The following CSNK1G3 variants were observed in gnomAD, a reference collection of about 807,000 sequenced individuals.
The protein encoded by CSNK1G3 is casein kinase I isoform gamma-3.
Under a neutral mutation model 64.3 loss-of-function variants are expected in CSNK1G3, and 23 were observed. The ratio of observed to expected loss-of-function variants is 0.36; its 90% confidence interval spans 0.26 to 0.51. The LOEUF (loss-of-function observed/expected upper bound fraction) is 0.51. CSNK1G3 is among the 20% of genes least tolerant of loss of function. CSNK1G3 has a pLI of 0.96. For synonymous variants in CSNK1G3, 158 were observed against 162.2 expected (o/e 0.97, Z 0.20); for missense variants, 357 against 510.5 (o/e 0.70, Z 2.90).
At chr5:123,545,965 A>C in intron 2 of CSNK1G3, 124 bp downstream of exon 2, 1 of 865,300 alleles carries the variant, frequency 1.2e-6, no homozygotes, top group Non-Finnish European at 1.8e-6. Flanking sequence ...ATTTTAAAGA[A>C]TAAAGATGTT....
intron 1 of CSNK1G3, among the ~76,000 whole-genome samples, chr5:123,532,436 G>C (rs1780087625): frequency 6.6e-6 from 1 of 151,736 alleles, no homozygotes; most frequent in South Asian, 2.1e-4. Flanking sequence ...AGGATAGATT[G>C]CTTCTAAGAA....
intron 2 of CSNK1G3, among the ~76,000 whole-genome samples, chr5:123,547,299 A>T (rs1276021545): frequency 6.6e-6 from 1 of 152,174 alleles, no homozygotes; most frequent in Non-Finnish European, 1.5e-5. Context: ...AAAGACCAAC[A>T]CTATACTTGC....
At chr5:123,577,871 A>G (rs150880203) in intron 6 of CSNK1G3, among the ~76,000 whole-genome samples, 1 of 151,936 alleles carries the variant, frequency 6.6e-6, no homozygotes, top group Non-Finnish European at 1.5e-5. Context: ...CATTTTACCC[A>G]TCTTAGTCAT....
chr5:123,594,757 A>T (rs1043599085), intron 10 of CSNK1G3, among the ~76,000 whole-genome samples: 5 of 152,060 alleles, frequency 3.3e-5, no homozygotes, highest in Non-Finnish European at 7.4e-5. Flanking sequence ...TTATTAGTTC[A>T]TTTATAAAGC....
At chr5:123,586,204 C>T (rs1462839065) in intron 6 of CSNK1G3, among the ~76,000 whole-genome samples, 1 of 152,102 alleles carries the variant, frequency 6.6e-6, no homozygotes, top group African/African-American at 2.4e-5. Flanking sequence ...TCATGTGCAC[C>T]TGTCTAATCT....
chr5:123,604,248 G>A (rs1794970917), intron 10 of CSNK1G3, among the ~76,000 whole-genome samples: 1 of 152,092 alleles, frequency 6.6e-6, no homozygotes, highest in Non-Finnish European at 1.5e-5. Flanking sequence ...AATGAATGGT[G>A]TTGTCTCTAT....
chr5:123,567,707 T>C (rs755839020), intron 4 of CSNK1G3, among the ~76,000 whole-genome samples: 1 of 152,222 alleles, frequency 6.6e-6, no homozygotes, highest in African/African-American at 2.4e-5. Context: ...TTCACAGTTA[T>C]CGCCAAAGAT....
chr5:123,514,846 G>A (rs1342854272), intron 1 of CSNK1G3, among the ~76,000 whole-genome samples: 1 of 152,038 alleles, frequency 6.6e-6, no homozygotes, highest in African/African-American at 2.4e-5. Flanking sequence ...TATGAAAGTA[G>A]GTGGAGATCA....
chr5:123,610,618 C>T (rs1796155441), intron 12 of CSNK1G3, among the ~76,000 whole-genome samples: 1 of 152,108 alleles, frequency 6.6e-6, no homozygotes, highest in African/African-American at 2.4e-5. Context: ...TTTTGATTGC[C>T]TGTTTGTTGC....
chr5:123,531,404 G>A (rs1779921305), intron 1 of CSNK1G3, among the ~76,000 whole-genome samples: 1 of 151,974 alleles, frequency 6.6e-6, no homozygotes, highest in Non-Finnish European at 1.5e-5. Flanking sequence ...ATGCATATTA[G>A]AGAATCTGAT....
intron 10 of CSNK1G3, among the ~76,000 whole-genome samples, chr5:123,603,413 A>C (rs1421744070): frequency 6.6e-6 from 1 of 152,058 alleles, no homozygotes; most frequent in African/African-American, 2.4e-5. Flanking sequence ...ACATGCATTC[A>C]TTTATTTCAA....
exon 13 of CSNK1G3, chr5:123,614,513 A>G: frequency 1.3e-6 from 1 of 795,322 alleles, no homozygotes. Flanking sequence ...AGAAACAAAA[A>G]TGTCATACTT....
intron 5 of CSNK1G3, 22 bp downstream of exon 5, chr5:123,573,563 A>C (rs776932840): frequency 6.4e-7 from 1 of 1,564,496 alleles, no homozygotes. Context: ...AAGGTATTTG[A>C]AGTTGTTTGA....
intron 6 of CSNK1G3, among the ~76,000 whole-genome samples, chr5:123,583,589 C>T (rs1255565626): frequency 3.3e-5 from 5 of 152,144 alleles, no homozygotes; most frequent in Non-Finnish European, 7.3e-5. Context: ...CTCTCGAACT[C>T]CCAACCTCAG....
exon 13 of CSNK1G3, chr5:123,614,449 T>C: frequency 1.3e-6 from 2 of 1,541,776 alleles, no homozygotes; most frequent in Admixed American, 3.7e-5. Flanking sequence ...TCTGCTGTCT[T>C]GTGATTAAAA....
intron 1 of CSNK1G3, among the ~76,000 whole-genome samples, chr5:123,520,400 A>T (rs1162303668): frequency 1.3e-5 from 2 of 151,086 alleles, no homozygotes; most frequent in African/African-American, 4.9e-5. Context: ...TTATTTTTAT[A>T]CTTCATTTAC....
intron 1 of CSNK1G3, among the ~76,000 whole-genome samples, chr5:123,531,031 A>G (rs980038419): frequency 3.3e-5 from 5 of 152,128 alleles, no homozygotes; most frequent in African/African-American, 1.2e-4. Context: ...CATGTATTGT[A>G]ATATAATTTT....
intron 1 of CSNK1G3, among the ~76,000 whole-genome samples, chr5:123,536,663 C>A (rs569601130): frequency 6.6e-6 from 1 of 151,744 alleles, no homozygotes; most frequent in South Asian, 2.1e-4. Flanking sequence ...CACCATGTAC[C>A]CCATAAATAT....
chr5:123,614,324 T>G lies in CSNK1G3; in HGVS notation c.1218-18T>G. 7.5e-6 allele frequency: 12 copies of G among 1,607,436 alleles called. No homozygotes were observed. The highest frequency in any genetic ancestry group is 9.3e-6 in the Non-Finnish European group (11 of 1,177,782). On this transcript the variant is annotated intron_variant, in intron 12 of 12. Coordinates refer to ENST00000345990, the Ensembl canonical transcript of CSNK1G3. ...TTTAGTGCTTTTAAAATAAAAAGAG[T>G]GTTTCCCTCATCTGCAGGTGCTGCT... is the stretch of plus-strand genomic sequence containing the variant.
Sources: allele counts gnomAD v4.1 joint callset (sites outside exome capture counted in the v4.1 genomes callset), GRCh38; gene constraint gnomAD v4.1.1; transcripts MANE v1.5; gene names NCBI Gene and HGNC (gene_info 2026-07-23, HGNC 2026-07-21).